UTP18: variants seen among roughly 807,000 people sequenced by gnomAD.
UTP18 encodes UTP18 small subunit processome component.
A neutral mutation model predicts 61.1 loss-of-function variants in UTP18; 36 were observed. The observed-to-expected ratio is 0.59, with a 90% CI of 0.45 to 0.78. The LOEUF (loss-of-function observed/expected upper bound fraction) is 0.78. Among genes scored for constraint, UTP18 ranks in the 30% least tolerant of loss-of-function variants. The probability of loss-of-function intolerance (pLI) is 0.00; values close to 1 mark genes in which losing one functional copy is unlikely to be tolerated. For synonymous variants in UTP18, 282 were observed against 251.1 expected (o/e 1.12, Z -1.16); for missense variants, 753 against 693.9 (o/e 1.09, Z -0.96).
intron 3 of UTP18, among the ~76,000 whole-genome samples, chr17:51,268,528 C>T (rs186351982): frequency 7.4e-4 from 113 of 152,272 alleles, no homozygotes; most frequent in Non-Finnish European, 1.3e-3. Context: ...TTACATAGTC[C>T]TGATATCTGG....
intron 7 of UTP18, among the ~76,000 whole-genome samples, chr17:51,279,611 G>A (rs1904845358): frequency 6.6e-6 from 1 of 152,004 alleles, no homozygotes; most frequent in Non-Finnish European, 1.5e-5. Context: ...GTTTTTGGCT[G>A]TCTCTAGTGG....
At chr17:51,284,657 A>G (rs1905047032) in intron 9 of UTP18, among the ~76,000 whole-genome samples, 1 of 152,220 alleles carries the variant, frequency 6.6e-6, no homozygotes, top group Non-Finnish European at 1.5e-5. Flanking sequence ...GCTTTTTCTA[A>G]AAGTTCAACT....
rs58180688 is a variant in UTP18, at chr17:51,269,839, TTGTGTG to T, written c.622+961_622+966del. ...CTGCTTAAATATATCAAATAATGTA[TTGTGTG>T]TGTGTGTGTGTGTGTGTGTGTGTGT... On this transcript the variant is annotated intron_variant, in intron 4 of 13. Transcript: ENST00000225298. Among the ~76,000 whole-genome samples, 40 of 137,800 alleles carry T rather than the reference TTGTGTG, an allele frequency of 2.9e-4. 1 individual carries two copies. In the East Asian group the frequency reaches 4.4e-3, roughly 15 times the overall value. The allele number at this position is 137,800 out of a possible 152,430, so 90.4% of individuals were successfully genotyped here. A position where few individuals can be genotyped will look rare whatever the true frequency, so the allele number is the denominator to read the frequency against.
chr17:51,274,892 C>T (rs1049631193), intron 5 of UTP18, among the ~76,000 whole-genome samples: 1 of 151,842 alleles, frequency 6.6e-6, no homozygotes, highest in Non-Finnish European at 1.5e-5. Context: ...GAATTCACCT[C>T]CATTAAAAAT....
chr17:51,293,502 G>GT (rs5820850), intron 11 of UTP18, among the ~76,000 whole-genome samples: 23,242 of 143,898 alleles, frequency 0.16, 2,035 homozygotes, highest in Admixed American at 0.23. Context: ...ATGAGTTGTT[G>GT]TTTTTTTTTT....
intron 11 of UTP18, among the ~76,000 whole-genome samples, chr17:51,289,113 T>A (rs1350720095): frequency 6.6e-6 from 1 of 152,166 alleles, no homozygotes; most frequent in Non-Finnish European, 1.5e-5. Context: ...AGGGAAAGTT[T>A]CATGCCAGTA....
intron 5 of UTP18, among the ~76,000 whole-genome samples, chr17:51,273,729 GT>G (rs1376995745): frequency 1.3e-5 from 1 of 76,540 alleles, no homozygotes; most frequent in Admixed American, 1.4e-4. Flanking sequence ...GCGAGACCCT[GT>G]CTCTAAAATA....
At chr17:51,280,814 A>T (rs1904889547) in intron 9 of UTP18, among the ~76,000 whole-genome samples, 1 of 151,858 alleles carries the variant, frequency 6.6e-6, no homozygotes, top group Non-Finnish European at 1.5e-5. Flanking sequence ...CTCCATCTCA[A>T]TAAAAAAATT....
At chr17:51,262,137 A>G (rs1021972075) in intron 1 of UTP18, among the ~76,000 whole-genome samples, 2 of 151,390 alleles carry the variant, frequency 1.3e-5, no homozygotes, top group South Asian at 4.2e-4. Flanking sequence ...GCTGGAGTGC[A>G]GTGGCGCCAT....
At chr17:51,266,120 G>A (rs1295914631) in intron 2 of UTP18, 62 bp from the exon 3 acceptor site, 2 of 1,288,814 alleles carry the variant, frequency 1.6e-6, no homozygotes, top group South Asian at 1.7e-5. Context: ...AGTGCTAAAA[G>A]CAGCAGCTAT....
intron 4 of UTP18, among the ~76,000 whole-genome samples, chr17:51,269,294 CAAAAAAAAAAAAAAAAAA>C (rs58681434): frequency 2.0e-4 from 13 of 66,654 alleles, no homozygotes; most frequent in African/African-American, 2.6e-4. Context: ...GACTCTGTCT[CAAAAAAAAAAAAAAAAAA>C]AAAAAAAAAA....
chr17:51,279,174 A>G (rs910780823), intron 7 of UTP18, among the ~76,000 whole-genome samples: 1 of 152,198 alleles, frequency 6.6e-6, no homozygotes, highest in Non-Finnish European at 1.5e-5. Flanking sequence ...AAATGAATGG[A>G]TAGTGAAAAC....
At chr17:51,282,008 C>CT (rs1258739322) in intron 9 of UTP18, among the ~76,000 whole-genome samples, 2 of 152,142 alleles carry the variant, frequency 1.3e-5, no homozygotes, top group Admixed American at 1.3e-4. Context: ...TTTGATTAAC[C>CT]TGCACTGTCC....
chr17:51,296,731 A>G (rs1176204035), intron 12 of UTP18: 1 of 460,204 alleles, frequency 2.2e-6, no homozygotes, highest in Non-Finnish European at 3.8e-6. Flanking sequence ...CAGGTATTTC[A>G]TAGACCCCCC....
intron 9 of UTP18, among the ~76,000 whole-genome samples, chr17:51,283,459 C>T (rs1025273492): frequency 6.6e-6 from 1 of 151,748 alleles, no homozygotes; most frequent in South Asian, 2.1e-4. Context: ...TGAGCCACTG[C>T]GTGTGCACCC....
In UTP18 at chr17:51,260,842, C is replaced by T; in HGVS notation, c.258C>T (p.Ala86=). ...NRLRLEEDKP[A]VERCLEELVF... is the part of the protein sequence containing the mutation. ...TGAGGCTGGAGGAGGACAAACCGGC[C>T]GTGGAGCGGTGCTTGGAGGAGCTGG... Residue 86 remains alanine (A), a synonymous_variant, in exon 1 of 14, where the codon GCC becomes GCT. Coordinates refer to ENST00000225298, the MANE Select transcript of UTP18 (RefSeq NM_016001.3). The T allele has an allele frequency of 1.3e-6, 2 of 1,599,772 alleles. No homozygotes were observed. Among genetic ancestry groups the T allele is most frequent in the Non-Finnish European group, 1.7e-6 (2 of 1,174,034 alleles).
At chr17:51,294,454 G>GT (rs1306743101) in intron 12 of UTP18, among the ~76,000 whole-genome samples, 2 of 150,470 alleles carry the variant, frequency 1.3e-5, no homozygotes, top group Non-Finnish European at 2.9e-5. Flanking sequence ...GCGGTGTTTG[G>GT]TTTTTTGCCC....
intron 1 of UTP18, among the ~76,000 whole-genome samples, chr17:51,261,567 G>T (rs1415288887): frequency 6.6e-6 from 1 of 152,162 alleles, no homozygotes; most frequent in Non-Finnish European, 1.5e-5. Flanking sequence ...GGCACTGGAG[G>T]AGACACAGCA....
At chr17:51,297,385 ATTAGCAGCTTGCTCTGTTTCACAGAGC>A (rs1905394526) in intron 13 of UTP18, among the ~76,000 whole-genome samples, 1 of 152,188 alleles carries the variant, frequency 6.6e-6, no homozygotes, top group African/African-American at 2.4e-5. Context: ...TTCTTGAGAG[ATTAGCAGCTTGCTCTGTTTCACAGAGC>A]TAGATAATGG....
Sources: allele counts gnomAD v4.1 joint callset (sites outside exome capture counted in the v4.1 genomes callset), GRCh38; gene constraint gnomAD v4.1.1; transcripts MANE v1.5; gene names NCBI Gene and HGNC (gene_info 2026-07-23, HGNC 2026-07-21).